Variants in CSMD1 observed in about 807,000 individuals in gnomAD.
CSMD1 encodes the protein CUB and Sushi multiple domains 1.
Under a neutral mutation model 417.5 loss-of-function variants are expected in CSMD1, and 213 were observed. The observed-to-expected ratio is 0.51, with a 90% CI of 0.46 to 0.57. CSMD1 has a LOEUF of 0.57. Ranked by LOEUF, CSMD1 falls within the 20% of genes least tolerant of loss-of-function variation. The pLI, the probability that CSMD1 is intolerant of heterozygous loss-of-function variation, is 0.00. For synonymous variants in CSMD1, 2,862 were observed against 1,736.8 expected (o/e 1.65, Z -16.11); for missense variants, 6,923 against 4,529.7 (o/e 1.53, Z -15.17).
At chr8:4,238,393 CCCTG>C (rs1367889824) in intron 3 of CSMD1, among the ~76,000 whole-genome samples, 1 of 152,150 alleles carries the variant, frequency 6.6e-6, no homozygotes, top group African/African-American at 2.4e-5. Context: ...GCTAACTCCG[CCCTG>C]AGCACACATG....
chr8:3,480,203 CAA>C, intron 11 of CSMD1, among the ~76,000 whole-genome samples: 1 of 150,764 alleles, frequency 6.6e-6, no homozygotes. Flanking sequence ...TATTAAAATA[CAA>C]AAAAAAATTA....
At chr8:3,806,538 C>A (rs1481724) in intron 5 of CSMD1, among the ~76,000 whole-genome samples, 4 of 152,288 alleles carry the variant, frequency 2.6e-5, no homozygotes, top group Admixed American at 2.0e-4. Context: ...CATATTCACT[C>A]ACTACCTACA....
chr8:4,102,429 A>G (rs1023659122), intron 3 of CSMD1, among the ~76,000 whole-genome samples: 26 of 152,222 alleles, frequency 1.7e-4, no homozygotes, highest in African/African-American at 6.0e-4. Context: ...TGATTCTGTC[A>G]TAATAGATTT....
chr8:4,304,827 C>T (rs1240180718), intron 3 of CSMD1, among the ~76,000 whole-genome samples: 1 of 152,192 alleles, frequency 6.6e-6, no homozygotes, highest in African/African-American at 2.4e-5. Flanking sequence ...CAGAAAACCA[C>T]TGAACTTTTG....
intron 23 of CSMD1, among the ~76,000 whole-genome samples, chr8:3,333,899 G>T (rs755726987): frequency 5.3e-5 from 8 of 152,188 alleles, no homozygotes; most frequent in Non-Finnish European, 1.0e-4. Flanking sequence ...TGGGAAATCT[G>T]TGAGTGTCTT....
At chr8:4,446,561 T>A (rs541392408) in intron 2 of CSMD1, among the ~76,000 whole-genome samples, 3 of 152,114 alleles carry the variant, frequency 2.0e-5, no homozygotes, top group African/African-American at 7.2e-5. Flanking sequence ...TTGTTTTGTT[T>A]TGTTGTGGGG....
intron 7 of CSMD1, among the ~76,000 whole-genome samples, chr8:3,669,832 A>G (rs1251702045): frequency 1.3e-5 from 2 of 152,146 alleles, no homozygotes; most frequent in African/African-American, 4.8e-5. Flanking sequence ...AACAGGACAC[A>G]GTGGGTGATG....
At chr8:4,206,669 G>A (rs954700852) in intron 3 of CSMD1, among the ~76,000 whole-genome samples, 1 of 152,190 alleles carries the variant, frequency 6.6e-6, no homozygotes, top group Non-Finnish European at 1.5e-5. Context: ...CTTTACAGCA[G>A]CATGATCTAA....
chr8:4,237,534 C>CTTTTTTTTT (rs11433104), intron 3 of CSMD1, among the ~76,000 whole-genome samples: 2 of 149,282 alleles, frequency 1.3e-5, no homozygotes, highest in Non-Finnish European at 3.0e-5. Flanking sequence ...GTCAATACTA[C>CTTTTTTTTT]TTTTTTTTTT....
At chr8:3,373,665 G>A (rs911684853) in intron 18 of CSMD1, 1 of 152,170 alleles carries the variant, frequency 6.6e-6, no homozygotes, top group Non-Finnish European at 1.5e-5. Flanking sequence ...TACAAATATA[G>A]CTGCTCATAA....
intron 5 of CSMD1, among the ~76,000 whole-genome samples, chr8:3,771,817 G>A (rs184955479): frequency 2.3e-4 from 35 of 152,206 alleles, no homozygotes; most frequent in Admixed American, 5.2e-4. Context: ...CTATGAGGCA[G>A]AATGATCCGT....
intron 3 of CSMD1, among the ~76,000 whole-genome samples, chr8:4,165,317 G>A (rs905131834): frequency 6.6e-6 from 1 of 152,220 alleles, no homozygotes; most frequent in Non-Finnish European, 1.5e-5. Context: ...GGGTATCTCA[G>A]CTGTAGAAGC....
At chr8:4,086,133 A>C (rs1190080662) in intron 3 of CSMD1, among the ~76,000 whole-genome samples, 1 of 152,184 alleles carries the variant, frequency 6.6e-6, no homozygotes, top group African/African-American at 2.4e-5. Flanking sequence ...TGTTATTGCT[A>C]CATTTAAGTT....
chr8:3,089,691 T>C (rs1367101566), intron 48 of CSMD1, among the ~76,000 whole-genome samples: 1 of 152,174 alleles, frequency 6.6e-6, no homozygotes, highest in Non-Finnish European at 1.5e-5. Context: ...TAAAAAGCTG[T>C]GAGATAGATA....
intron 1 of CSMD1, among the ~76,000 whole-genome samples, chr8:4,846,293 C>G (rs2116807026): frequency 6.6e-6 from 1 of 152,256 alleles, no homozygotes; most frequent in East Asian, 1.9e-4. Context: ...CTTGTTATTT[C>G]CATGTATACC....
At chr8:4,462,604 C>G (rs982346450) in intron 2 of CSMD1, among the ~76,000 whole-genome samples, 2 of 152,134 alleles carry the variant, frequency 1.3e-5, no homozygotes, top group African/African-American at 4.8e-5. Context: ...TAGGAAACCG[C>G]ATTGATCATG....
At chr8:3,653,582 T>C (rs1330701915) in intron 7 of CSMD1, among the ~76,000 whole-genome samples, 1 of 152,184 alleles carries the variant, frequency 6.6e-6, no homozygotes, top group East Asian at 1.9e-4. Context: ...GTGCTGGGAT[T>C]TCAGGTGTGA....
chr8:3,774,520 C>A (rs1982697), intron 5 of CSMD1, among the ~76,000 whole-genome samples: 50,331 of 152,014 alleles, frequency 0.33, 9,523 homozygotes, highest in Non-Finnish European at 0.43. Flanking sequence ...ATGCTGAATA[C>A]ATGAATTGGT....
chr8:3,823,092 G>C (rs1373386238), intron 5 of CSMD1, among the ~76,000 whole-genome samples: 1 of 152,110 alleles, frequency 6.6e-6, no homozygotes, highest in African/African-American at 2.4e-5. Flanking sequence ...AATTACCTGG[G>C]ATCTCATGGC....
Sources: gnomAD v4.1 joint callset for allele counts (sites outside exome capture counted in the v4.1 genomes callset) on GRCh38, gnomAD v4.1.1 for gene constraint, MANE v1.5 for transcripts, NCBI Gene and HGNC (gene_info 2026-07-23, HGNC 2026-07-21) for gene names.